The following TENM4 variants were observed in gnomAD, a reference collection of about 807,000 sequenced individuals.
TENM4 encodes teneurin transmembrane protein 4.
A neutral mutation model predicts 243.3 loss-of-function variants in TENM4; 82 were observed. That is an observed-to-expected ratio of 0.34 (90% CI 0.28 to 0.40). The LOEUF is 0.40. Among genes scored for constraint, TENM4 ranks in the 10% least tolerant of loss-of-function variants. TENM4 has a pLI of 1.00. For missense variants in TENM4, 3,138 were observed against 3,673.3 expected (o/e 0.85, Z 3.77); for synonymous variants, 1,412 against 1,456.3 (o/e 0.97, Z 0.69).
chr11:78,761,700 C>T (rs1565368091), intron 18 of TENM4, among the ~76,000 whole-genome samples: 1 of 5,068 alleles, frequency 2.0e-4, no homozygotes. Context: ...CTTAGCACAC[C>T]CCCCCAGCCC....
chr11:78,842,271 C>A (rs1858277054), intron 12 of TENM4, among the ~76,000 whole-genome samples: 1 of 152,186 alleles, frequency 6.6e-6, no homozygotes, highest in Admixed American at 6.5e-5. Flanking sequence ...AATGCCTCTC[C>A]CTTACAAGGT....
intron 2 of TENM4, among the ~76,000 whole-genome samples, chr11:79,248,162 G>T (rs1334389730): frequency 1.3e-5 from 2 of 152,206 alleles, no homozygotes; most frequent in Non-Finnish European, 2.9e-5. Context: ...CCCTCAGAAT[G>T]AAGAGACTGC....
intron 3 of TENM4, among the ~76,000 whole-genome samples, chr11:79,178,379 G>A (rs1300786651): frequency 6.6e-6 from 1 of 152,160 alleles, no homozygotes; most frequent in Non-Finnish European, 1.5e-5. Flanking sequence ...AAACCTGGAG[G>A]TTGTATAAGA....
Position 79,440,099 on chromosome 11 carries a change from C to G in TENM4, c.-321+410G>C, listed in dbSNP as rs975568235. 7.2e-5 allele frequency among the ~76,000 whole-genome samples: 11 copies of G among 152,134 alleles called. No individual in the cohort carries two copies. Among genetic ancestry groups the G allele is most frequent in the Non-Finnish European group, 1.5e-4 (10 of 68,004 alleles). On this transcript the variant is annotated intron_variant, in intron 1 of 33. Coordinates refer to ENST00000278550, the MANE Select transcript of TENM4 (RefSeq NM_001098816.3). The surrounding 1 kb of genome is among the most constrained non-coding windows in gnomAD (Gnocchi z 4.7). Reference sequence around the variant, plus strand: ...CGCCGCCTCGCGGGCTCCTCCAGCGCCCGACGGGGGCCTGGGGCGAGCTAG... The same window carrying G: ...CGCCGCCTCGCGGGCTCCTCCAGCGGCCGACGGGGGCCTGGGGCGAGCTAG...
intron 1 of TENM4, among the ~76,000 whole-genome samples, chr11:79,380,317 A>G (rs1416164968): frequency 6.6e-6 from 1 of 151,840 alleles, no homozygotes; most frequent in South Asian, 2.1e-4. Context: ...AGGGAAAAAA[A>G]AAAAGAAGAG....
At chr11:78,892,741 A>G (rs1855698145) in intron 7 of TENM4, among the ~76,000 whole-genome samples, 1 of 152,182 alleles carries the variant, frequency 6.6e-6, no homozygotes, top group African/African-American at 2.4e-5. Flanking sequence ...CCTCACAATA[A>G]CCCTACAAAG....
intron 1 of TENM4, among the ~76,000 whole-genome samples, chr11:79,404,171 A>AC (rs1858520200): frequency 6.6e-6 from 1 of 152,226 alleles, no homozygotes; most frequent in Non-Finnish European, 1.5e-5. Context: ...TAAGCCCCAA[A>AC]CAGCCCCAAA....
chr11:78,821,485 A>AT (rs1463541556), intron 12 of TENM4, among the ~76,000 whole-genome samples: 2 of 152,262 alleles, frequency 1.3e-5, no homozygotes, highest in African/African-American at 4.8e-5. Flanking sequence ...CTTTGCCTCT[A>AT]TTTTTTTATT....
At chr11:78,755,595 C>G (rs892927160) in intron 19 of TENM4, among the ~76,000 whole-genome samples, 6 of 152,162 alleles carry the variant, frequency 3.9e-5, no homozygotes, top group African/African-American at 1.4e-4. Flanking sequence ...GACATTTACT[C>G]GTGGGTGGCC....
chr11:78,671,992 C>T (rs1172414645), intron 31 of TENM4, 41 bp downstream of exon 31: 3 of 1,578,010 alleles, frequency 1.9e-6, no homozygotes, highest in African/African-American at 2.7e-5. Context: ...GATTGGCCTT[C>T]TGTATGGCAA....
chr11:78,904,645 T>A (rs2136333115), intron 6 of TENM4, among the ~76,000 whole-genome samples: 1 of 152,222 alleles, frequency 6.6e-6, no homozygotes, highest in Non-Finnish European at 1.5e-5. Flanking sequence ...CACTGCAGAG[T>A]AGGGACTGCT....
intron 2 of TENM4, among the ~76,000 whole-genome samples, chr11:79,218,559 T>C (rs557017300): frequency 5.9e-5 from 9 of 152,292 alleles, no homozygotes; most frequent in African/African-American, 2.2e-4. Context: ...CCAAAGCTTG[T>C]GACTTGGCTT....
chr11:79,411,437 T>G (rs1858698397), intron 1 of TENM4, among the ~76,000 whole-genome samples: 1 of 152,220 alleles, frequency 6.6e-6, no homozygotes, highest in Admixed American at 6.5e-5. Context: ...CAGAACATGA[T>G]AGAAGCGATT....
intron 2 of TENM4, among the ~76,000 whole-genome samples, chr11:79,238,980 G>A (rs970915083): frequency 4.6e-5 from 7 of 152,164 alleles, no homozygotes; most frequent in African/African-American, 1.4e-4. Context: ...AGCCAAAATT[G>A]TGCCATTCCA....
intron 15 of TENM4, 135 bp from the exon 16 acceptor site, chr11:78,787,218 G>T: frequency 9.6e-7 from 1 of 1,044,052 alleles, no homozygotes; most frequent in Non-Finnish European, 1.4e-6. Context: ...GTCACACTTG[G>T]CTACATACCT....
At chr11:78,715,778 C>A (rs1859507785) in intron 25 of TENM4, among the ~76,000 whole-genome samples, 1 of 152,196 alleles carries the variant, frequency 6.6e-6, no homozygotes, top group Non-Finnish European at 1.5e-5. Context: ...TGAAATTATA[C>A]ATCTCAACAG....
chr11:78,913,942 G>A (rs1461137087), intron 6 of TENM4, among the ~76,000 whole-genome samples: 1 of 152,164 alleles, frequency 6.6e-6, no homozygotes, highest in Non-Finnish European at 1.5e-5. Context: ...CTGTTAGCCT[G>A]GAGAGGAGAA....
At chr11:78,990,718 T>C (rs965917591) in intron 6 of TENM4, among the ~76,000 whole-genome samples, 4 of 152,216 alleles carry the variant, frequency 2.6e-5, no homozygotes, top group Non-Finnish European at 4.4e-5. Context: ...GTGTTGATGC[T>C]AAAGACCTTT....
intron 6 of TENM4, among the ~76,000 whole-genome samples, chr11:78,931,839 G>A (rs917322382): frequency 6.6e-6 from 1 of 152,114 alleles, no homozygotes; most frequent in Non-Finnish European, 1.5e-5. Context: ...ATTTAAAAAT[G>A]GCAATAAACC....
Sources: allele counts gnomAD v4.1 joint callset (sites outside exome capture counted in the v4.1 genomes callset), GRCh38; gene constraint gnomAD v4.1.1; non-coding constraint Gnocchi (gnomAD v3.1); transcripts MANE v1.5; gene names NCBI Gene and HGNC (gene_info 2026-07-23, HGNC 2026-07-21).